PSAP: variants seen among roughly 807,000 people sequenced by gnomAD.
The protein encoded by PSAP is prosaposin, also known as precursor of saposins.
In PSAP, 25 loss-of-function variants were observed where a neutral mutation model predicts 66.0. The ratio of observed to expected loss-of-function variants is 0.38; its 90% CI spans 0.28 to 0.53. The LOEUF (loss-of-function observed/expected upper bound fraction) is 0.53. Among genes scored for constraint, PSAP ranks in the 20% least tolerant of loss-of-function variants. The pLI, the probability that PSAP is intolerant of heterozygous loss-of-function variation, is 0.83. For missense variants in PSAP, 649 were observed against 668.8 expected (o/e 0.97, Z 0.33); for synonymous variants, 273 against 258.9 (o/e 1.05, Z -0.52).
rs903372405 is a variant in PSAP, at chr10:71,821,248, G to A, written c.909+628C>T. ...GTTCTAGAACAAGAAGCGTGTACAT[G>A]TGCCACGTGTTAAGGCATCACACAG... On this transcript the variant is annotated intron_variant, in intron 8 of 13. Coordinates refer to ENST00000394936, the MANE Select transcript of PSAP (RefSeq NM_002778.4). Among the ~76,000 whole-genome samples the A allele has an allele frequency of 2.6e-5, 4 of 152,350 alleles. No individual in the cohort carries two copies. The East Asian group carries it at 7.7e-4, about 29-fold the overall frequency.
At position 71,817,152 on chromosome 10, in the gene PSAP, G is replaced by A; in HGVS notation, c.*289C>T. ...CAAGAAACTGTGGCTCATGCCAGCA[G>A]AGCTCTCTCCTCCTCCAGCAGGCGC... On this transcript the variant is annotated 3_prime_UTR_variant, in exon 14 of 14. Transcript: ENST00000394936. 1 of 517,154 alleles carries A rather than the reference G, an allele frequency of 1.9e-6. No individual in the cohort carries two copies. Among genetic ancestry groups the A allele is most frequent in the South Asian group, 2.1e-5 (1 of 48,392 alleles). The allele number at this position is 517,154 out of a possible 1,614,324, so 32.0% of individuals were successfully genotyped here. A position where few individuals can be genotyped will look rare whatever the true frequency, so the allele number is the denominator to read the frequency against.
intron 8 of PSAP, among the ~76,000 whole-genome samples, chr10:71,820,694 G>A (rs1442669905): frequency 7.3e-6 from 1 of 136,258 alleles, no homozygotes; most frequent in Non-Finnish European, 1.6e-5. Context: ...GGAGGATGAA[G>A]GACCAAAAGC....
chr10:71,821,009 G>C (rs892712345), intron 8 of PSAP, among the ~76,000 whole-genome samples: 1 of 152,240 alleles, frequency 6.6e-6, no homozygotes, highest in African/African-American at 2.4e-5. Flanking sequence ...AGTCACATGT[G>C]GTTGGAGTGC....
chr10:71,851,095 A>C (rs1231839504), intron 1 of PSAP, 87 bp downstream of exon 1: 1 of 1,454,584 alleles, frequency 6.9e-7, no homozygotes, highest in Admixed American at 2.0e-5. Flanking sequence ...CAGGGGGAGC[A>C]GAGGGGCCAG....
intron 11 of PSAP, 138 bp from the exon 12 acceptor site, chr10:71,819,249 C>G (rs779146203): frequency 1.8e-5 from 18 of 1,022,216 alleles, no homozygotes; most frequent in Non-Finnish European, 2.7e-5. Context: ...CTGGGGCCTC[C>G]CTTTCCAGAC....
At chr10:71,825,489 C>A (rs1316812534) in intron 7 of PSAP, among the ~76,000 whole-genome samples, 1 of 152,210 alleles carries the variant, frequency 6.6e-6, no homozygotes, top group African/African-American at 2.4e-5. Context: ...GGCAACACAG[C>A]CATTCTCAGG....
chr10:71,833,621 G>A (rs146580432), intron 2 of PSAP, among the ~76,000 whole-genome samples: 310 of 152,284 alleles, frequency 2.0e-3, no homozygotes, highest in African/African-American at 6.4e-3. Flanking sequence ...AACACAGCCC[G>A]TACCACATGA....
At position 71,825,879 on chromosome 10, in the gene PSAP, G is replaced by A. The variant is rs1842391844; in HGVS notation, c.735C>T (p.Ile245=). 1 of 1,613,424 alleles carries A rather than the reference G, an allele frequency of 6.2e-7. No individual in the cohort carries two copies. The highest frequency in any genetic ancestry group is 1.3e-5 in the African/African-American group (1 of 74,914). ...PGMADICKNY[I]SQYSEIAIQM... The stretch of plus-strand genomic sequence containing the variant: ...GGATAGCAATTTCAGAATACTGGCT[G>A]ATATAGTTCTTGCACTGAGGAGAGA... The change falls in exon 7 of 14, where the codon ATC becomes ATT. Residue 245 remains isoleucine (I), a synonymous_variant. Coordinates refer to ENST00000394936, the MANE Select transcript of PSAP (RefSeq NM_002778.4).
In PSAP at chr10:71,835,512, T is replaced by C. The variant is rs527825307; in HGVS notation, c.41-1007A>G. ...GCTTGAGCCCAGGAGGCAGAGGTTG[T>C]AGTGAGCCGAGATCTCACCACTGCA... On this transcript the variant is annotated intron_variant, in intron 1 of 13. Coordinates refer to ENST00000394936, the MANE Select transcript of PSAP (RefSeq NM_002778.4). Among the ~76,000 whole-genome samples the C allele has an allele frequency of 8.7e-5, 13 of 150,166 alleles. No individual in the cohort carries two copies. The South Asian group carries it at 2.8e-3, about 32-fold the overall frequency.
intron 1 of PSAP, among the ~76,000 whole-genome samples, chr10:71,840,741 A>G (rs1158640002): frequency 2.0e-5 from 3 of 152,214 alleles, no homozygotes; most frequent in Non-Finnish European, 4.4e-5. Context: ...CTGCTGCTAC[A>G]GCCTCGCTTC....
At chr10:71,830,932 C>A (rs1210741650) in intron 4 of PSAP, among the ~76,000 whole-genome samples, 194 bp downstream of exon 4, 1 of 152,204 alleles carries the variant, frequency 6.6e-6, no homozygotes, top group African/African-American at 2.4e-5. Context: ...CCCTCGCTAA[C>A]CCCAGGGCAA....
intron 1 of PSAP, among the ~76,000 whole-genome samples, chr10:71,844,380 T>C (rs1188116427): frequency 6.6e-6 from 1 of 152,226 alleles, no homozygotes; most frequent in Admixed American, 6.5e-5. Context: ...ACAGAAATGA[T>C]ACAGGCCAGG....
Position 71,822,233 on chromosome 10 carries a change from G to GCT in PSAP, c.778-228_778-227dup, listed in dbSNP as rs1286137384. 3 of 596,998 alleles carry GCT rather than the reference G, an allele frequency of 5.0e-6. No individual in the cohort carries two copies. In the African/African-American group the frequency reaches 5.5e-5, roughly 11 times the overall value. 37.0% of individuals were successfully genotyped at this position (596,998 alleles called of 1,614,324 possible). A position where few individuals can be genotyped will look rare whatever the true frequency, so the allele number is the denominator to read the frequency against. On this transcript the variant is annotated intron_variant, in intron 7 of 13. Coordinates refer to ENST00000394936, the MANE Select transcript of PSAP (RefSeq NM_002778.4). ...CATCTCGGGGAGGAGACCACACAAAGCTCCTAAGGAACATCAAACAGAGTC... is the reference window on the plus strand; with the variant it reads ...CATCTCGGGGAGGAGACCACACAAAGCTCTCCTAAGGAACATCAAACAGAGTC...
chr10:71,838,163 A>G (rs1216968608), intron 1 of PSAP, among the ~76,000 whole-genome samples: 2 of 152,240 alleles, frequency 1.3e-5, no homozygotes, highest in African/African-American at 4.8e-5. Context: ...AAACGTCCAC[A>G]TGAGAAATGG....
chr10:71,827,726 C>CAA (rs1183654773), intron 6 of PSAP, among the ~76,000 whole-genome samples: 110 of 84,540 alleles, frequency 1.3e-3, no homozygotes, highest in Middle Eastern at 8.2e-3. Flanking sequence ...CACTCAGTCT[C>CAA]AAAAAAAAAA....
intron 2 of PSAP, among the ~76,000 whole-genome samples, chr10:71,832,999 AGAGT>A (rs1233315915): frequency 7.2e-6 from 1 of 138,720 alleles, no homozygotes; most frequent in Non-Finnish European, 1.6e-5. Flanking sequence ...CCTAGGCAAC[AGAGT>A]GAGAGTCCAT....
rs773630153 is a variant in PSAP at position 71,819,873 on chromosome 10, T to G, written c.1033A>C (p.Met345Leu). The change falls in exon 10 of 14, where the codon ATG becomes CTG. Residue 345 changes from methionine (M) to leucine (L), a missense_variant. Transcript: ENST00000394936. ...AGGGACTTCGGCAGCTTCGAGCACA[T>G]TTTGTCAAAAGCGTCGAGTATTTCT... is the stretch of plus-strand genomic sequence containing the variant. The part of the protein sequence containing the change: ...EKEILDAFDK[M>L]CSKLPKSLSE... 1.2e-6 allele frequency: 2 copies of G among 1,614,134 alleles called. No homozygotes were observed. Among genetic ancestry groups the G allele is most frequent in the South Asian group, 2.2e-5 (2 of 91,082 alleles).
At chr10:71,850,929 C>G (rs1167473699) in intron 1 of PSAP, among the ~76,000 whole-genome samples, 1 of 152,270 alleles carries the variant, frequency 6.6e-6, no homozygotes, top group Non-Finnish European at 1.5e-5. Context: ...CGCAGGAACC[C>G]ACTCGAGCCC....
intron 1 of PSAP, among the ~76,000 whole-genome samples, chr10:71,845,388 CAT>C (rs1268079177): frequency 1.6e-4 from 24 of 152,272 alleles, no homozygotes; most frequent in African/African-American, 4.3e-4. Flanking sequence ...GTTGCGTACA[CAT>C]GTTTATGATA....
Sources: gnomAD v4.1 joint callset for allele counts (sites outside exome capture counted in the v4.1 genomes callset) on GRCh38, gnomAD v4.1.1 for gene constraint, MANE v1.5 for transcripts, NCBI Gene and HGNC (gene_info 2026-07-23, HGNC 2026-07-21) for gene names.